GALNT10: variants seen among roughly 807,000 people sequenced by gnomAD.
GALNT10 encodes the protein polypeptide N-acetylgalactosaminyltransferase 10.
GALNT10 carries 41 observed loss-of-function variants against 75.0 expected under a neutral mutation model. The observed-to-expected ratio is 0.55, with a 90% CI of 0.43 to 0.71. The LOEUF (loss-of-function observed/expected upper bound fraction) is 0.71. Ranked by LOEUF, GALNT10 falls within the 30% of genes least tolerant of loss-of-function variation. The probability of loss-of-function intolerance (pLI) is 0.00; values close to 1 mark genes in which losing one functional copy is unlikely to be tolerated. For missense variants in GALNT10, 727 were observed against 818.5 expected, an observed-to-expected ratio of 0.89 and a Z score of 1.36; for synonymous variants, 302 against 313.0, an observed-to-expected ratio of 0.96 and a Z score of 0.37.
At chr5:154,281,327 T>C (rs1310160684) in intron 1 of GALNT10, among the ~76,000 whole-genome samples, 1 of 152,222 alleles carries the variant, frequency 6.6e-6, no homozygotes, top group Non-Finnish European at 1.5e-5. Context: ...TGGAAATCAG[T>C]ATTTTAACAT....
rs1271157240 is a variant in GALNT10 at position 154,277,174 on chromosome 5, C to G, written c.160-17642C>G. On this transcript the variant is annotated intron_variant, in intron 1 of 11. Coordinates refer to ENST00000297107, the MANE Select transcript of GALNT10 (RefSeq NM_198321.4). ...ACTGGGGCTGGGCTGGGCAGCTCTG[C>G]TAAACTTGGCTGGGGTCTCTCATAT... is the stretch of plus-strand genomic sequence containing the variant. 2.6e-5 allele frequency among the ~76,000 whole-genome samples: 4 copies of G among 152,036 alleles called. No individual in the cohort carries two copies. The East Asian group carries it at 7.8e-4, about 30-fold the overall frequency.
intron 1 of GALNT10, among the ~76,000 whole-genome samples, chr5:154,213,496 C>A (rs1261713345): frequency 6.6e-6 from 1 of 152,184 alleles, no homozygotes; most frequent in Non-Finnish European, 1.5e-5. Context: ...TGACATCTTT[C>A]TTTGGAAATG....
At chr5:154,250,276 C>A (rs1753494559) in intron 1 of GALNT10, among the ~76,000 whole-genome samples, 1 of 152,022 alleles carries the variant, frequency 6.6e-6, no homozygotes, top group Non-Finnish European at 1.5e-5. Flanking sequence ...GTCTTTCTTT[C>A]TTGGAGTCTT....
intron 1 of GALNT10, among the ~76,000 whole-genome samples, chr5:154,283,099 G>A (rs1190384947): frequency 6.6e-6 from 1 of 151,998 alleles, no homozygotes; most frequent in African/African-American, 2.4e-5. Context: ...TCTTGTGGTT[G>A]CACCTCACAC....
rs780564646 is a variant in GALNT10, at chr5:154,380,510, G to A, written c.817G>A (p.Asp273Asn). The A allele has an allele frequency of 8.1e-6, 13 of 1,613,834 alleles. No homozygotes were observed. The highest frequency in any genetic ancestry group is 1.6e-4 in the Middle Eastern group (1 of 6,084). Residue 273 changes from aspartate to asparagine, a missense_variant, in exon 6 of 12, where the codon GAC becomes AAC. Coordinates refer to ENST00000297107, the MANE Select transcript of GALNT10 (RefSeq NM_198321.4). Reference sequence around the variant, plus strand: ...GATGATTGATGTAATTGACCATGACGACTTTCGGTACGAGACACAGGCAGG... The same window carrying A: ...GATGATTGATGTAATTGACCATGACAACTTTCGGTACGAGACACAGGCAGG... ...CPMIDVIDHD[D>N]FRYETQAGDA...
chr5:154,195,639 C>T (rs7718628), intron 1 of GALNT10, among the ~76,000 whole-genome samples: 2 of 151,958 alleles, frequency 1.3e-5, no homozygotes, highest in Non-Finnish European at 2.9e-5. Context: ...AAACTGAGGC[C>T]GAGAAAAAGG....
At chr5:154,301,879 C>T (rs1375706761) in intron 3 of GALNT10, among the ~76,000 whole-genome samples, 1 of 152,118 alleles carries the variant, frequency 6.6e-6, no homozygotes, top group Non-Finnish European at 1.5e-5. Context: ...GCTAAGGAGG[C>T]CTTAGATACC....
intron 9 of GALNT10, among the ~76,000 whole-genome samples, chr5:154,411,729 G>A (rs1756401689): frequency 6.6e-6 from 1 of 152,206 alleles, no homozygotes; most frequent in Non-Finnish European, 1.5e-5. Flanking sequence ...CTCTTTACTA[G>A]TTTGTTGGCT....
chr5:154,361,753 A>G (rs1032543815), intron 4 of GALNT10, among the ~76,000 whole-genome samples: 1 of 152,222 alleles, frequency 6.6e-6, no homozygotes, highest in Non-Finnish European at 1.5e-5. Context: ...ATGTTTACAT[A>G]TCTGATTTTC....
intron 1 of GALNT10, among the ~76,000 whole-genome samples, chr5:154,257,244 T>C (rs1187394070): frequency 6.6e-6 from 1 of 152,222 alleles, no homozygotes; most frequent in African/African-American, 2.4e-5. Context: ...TCTAGCCAGT[T>C]GCAGAGTCCA....
intron 6 of GALNT10, among the ~76,000 whole-genome samples, chr5:154,384,703 C>T (rs187519653): frequency 1.4e-3 from 208 of 152,350 alleles, no homozygotes; most frequent in African/African-American, 4.8e-3. Context: ...TCTTTGCATG[C>T]ATCACCTGCT....
At chr5:154,245,439 T>G (rs1164787897) in intron 1 of GALNT10, among the ~76,000 whole-genome samples, 2 of 152,138 alleles carry the variant, frequency 1.3e-5, no homozygotes, top group Non-Finnish European at 2.9e-5. Context: ...GTAAGCTTGC[T>G]CTACCCATGT....
At chr5:154,252,031 T>A (rs191682058) in intron 1 of GALNT10, among the ~76,000 whole-genome samples, 15 of 152,262 alleles carry the variant, frequency 9.9e-5, no homozygotes, top group African/African-American at 3.4e-4. Context: ...GAGCCCTGGT[T>A]TTCAAGGATA....
chr5:154,310,674 G>A (rs555287263), intron 3 of GALNT10, among the ~76,000 whole-genome samples: 29 of 152,114 alleles, frequency 1.9e-4, no homozygotes, highest in Non-Finnish European at 2.1e-4. Flanking sequence ...GTTTTACCAT[G>A]TTGGCCAGGC....
rs753767151 is a variant in GALNT10, at chr5:154,297,987, A to G, written c.309A>G (p.Arg103=). 1 of 1,613,586 alleles carries G rather than the reference A, an allele frequency of 6.2e-7. No individual in the cohort carries two copies. Among genetic ancestry groups the G allele is most frequent in the South Asian group, 1.1e-5 (1 of 91,060 alleles). Residue 103 remains arginine (R), a synonymous_variant, in exon 3 of 12, where the codon AGA becomes AGG. Coordinates refer to ENST00000297107, the MANE Select transcript of GALNT10 (RefSeq NM_198321.4). ...CTTACCCCATGACCGATGCTGAGAGAGTGGATCAGGCATACCGAGAAAATG... is the reference window on the plus strand; with the variant it reads ...CTTACCCCATGACCGATGCTGAGAGGGTGGATCAGGCATACCGAGAAAATG... ...GRPYPMTDAE[R]VDQAYRENGF...
chr5:154,377,064 T>G (rs1333814995), intron 5 of GALNT10, among the ~76,000 whole-genome samples: 3 of 152,226 alleles, frequency 2.0e-5, no homozygotes, highest in Non-Finnish European at 4.4e-5. Context: ...CTGTATTCAC[T>G]TCCTTTTAAA....
intron 7 of GALNT10, 62 bp from the exon 8 acceptor site, chr5:154,404,042 C>G: frequency 7.7e-7 from 1 of 1,304,800 alleles, no homozygotes; most frequent in Non-Finnish European, 1.1e-6. Context: ...GGGATGCTGG[C>G]CTGGCGGGAT....
intron 1 of GALNT10, among the ~76,000 whole-genome samples, chr5:154,280,755 T>G (rs902801567): frequency 6.6e-6 from 1 of 152,194 alleles, no homozygotes; most frequent in African/African-American, 2.4e-5. Flanking sequence ...AATTTTATAG[T>G]TTTGGCTCTT....
intron 1 of GALNT10, among the ~76,000 whole-genome samples, chr5:154,232,241 A>T (rs1753162321): frequency 1.3e-5 from 2 of 152,346 alleles, no homozygotes; most frequent in Admixed American, 1.3e-4. Context: ...TTCATCCTTA[A>T]TAAAAACAGA....
Sources: allele counts gnomAD v4.1 joint callset (sites outside exome capture counted in the v4.1 genomes callset), GRCh38; gene constraint gnomAD v4.1.1; transcripts MANE v1.5; gene names NCBI Gene and HGNC (gene_info 2026-07-23, HGNC 2026-07-21).